The following AKAP6 variants were observed in gnomAD, a reference collection of about 807,000 sequenced individuals.
AKAP6 encodes A-kinase anchor protein 6.
Under a neutral mutation model 188.5 loss-of-function variants are expected in AKAP6, and 58 were observed. The observed-to-expected ratio is 0.31, with a 90% CI of 0.25 to 0.38. The LOEUF (loss-of-function observed/expected upper bound fraction) is 0.38. Among genes scored for constraint, AKAP6 ranks in the 10% least tolerant of loss-of-function variants. The pLI, the probability that AKAP6 is intolerant of heterozygous loss-of-function variation, is 1.00. For missense variants in AKAP6, 2,710 were observed against 2,740.0 expected (o/e 0.99, Z 0.24); for synonymous variants, 989 against 998.6 (o/e 0.99, Z 0.18).
chr14:32,598,860 A>G (rs1885808146), intron 5 of AKAP6, among the ~76,000 whole-genome samples: 1 of 152,160 alleles, frequency 6.6e-6, no homozygotes. Context: ...TATAGGGAAT[A>G]AACTTTTAAA....
intron 1 of AKAP6, among the ~76,000 whole-genome samples, chr14:32,411,925 G>A (rs990904308): frequency 2.1e-4 from 32 of 149,996 alleles, no homozygotes; most frequent in African/African-American, 6.1e-4. Context: ...TATGTTTTCC[G>A]TAATGATAGC....
At chr14:32,810,162 C>G (rs1021434183) in intron 12 of AKAP6, among the ~76,000 whole-genome samples, 3 of 151,986 alleles carry the variant, frequency 2.0e-5, no homozygotes, top group Non-Finnish European at 4.4e-5. Flanking sequence ...AGCTCAAGGC[C>G]CCATATCTTA....
rs372507705 is a variant in AKAP6 at position 32,471,926 on chromosome 14, T to C, written c.324+38109T>C. Among the ~76,000 whole-genome samples the C allele has an allele frequency of 7.9e-5, 12 of 152,246 alleles. No homozygotes were observed. The East Asian group carries it at 1.4e-3, about 17-fold the overall frequency. On this transcript the variant is annotated intron_variant, in intron 2 of 13. Coordinates refer to ENST00000280979, the MANE Select transcript of AKAP6 (RefSeq NM_004274.5). ...ACAATTGTGAGTAAACCAAGAAAAATAGTCCCTATGAGATTTCTTTCAGAC... is the reference window on the plus strand; with the variant it reads ...ACAATTGTGAGTAAACCAAGAAAAACAGTCCCTATGAGATTTCTTTCAGAC...
At chr14:32,695,445 G>A (rs1353484284) in intron 8 of AKAP6, among the ~76,000 whole-genome samples, 1 of 152,202 alleles carries the variant, frequency 6.6e-6, no homozygotes, top group Admixed American at 6.5e-5. Flanking sequence ...TTTTGGATCT[G>A]ATAGTATATA....
intron 9 of AKAP6, among the ~76,000 whole-genome samples, chr14:32,729,607 T>C (rs1352105875): frequency 6.6e-6 from 1 of 152,136 alleles, no homozygotes; most frequent in East Asian, 1.9e-4. Flanking sequence ...TTTAGATCAT[T>C]CACATATCTA....
At chr14:32,689,819 G>C (rs930884671) in intron 8 of AKAP6, among the ~76,000 whole-genome samples, 1 of 151,962 alleles carries the variant, frequency 6.6e-6, no homozygotes, top group African/African-American at 2.4e-5. Context: ...ATTTTTGCAA[G>C]ATTTTGTTAC....
chr14:32,833,355 A>G lies in AKAP6; in HGVS notation c.*3550A>G, dbSNP rs1379142072. 6.6e-6 allele frequency: 1 copy of G among 152,240 alleles called. No individual in the cohort carries two copies. The highest frequency in any genetic ancestry group is 2.4e-5 in the African/African-American group (1 of 41,466). 9.4% of individuals were successfully genotyped at this position (152,240 alleles called of 1,614,324 possible). A position where few individuals can be genotyped will look rare whatever the true frequency, so the allele number is the denominator to read the frequency against. ...TGATTATGACTTTTGTCTCAATTAA[A>G]TGATGACCTCATTTAGTTTCTGATG... On this transcript the variant is annotated 3_prime_UTR_variant, in exon 14 of 14. Transcript: ENST00000280979.
At chr14:32,574,214 T>C (rs535772835) in intron 4 of AKAP6, among the ~76,000 whole-genome samples, 1 of 152,284 alleles carries the variant, frequency 6.6e-6, no homozygotes, top group East Asian at 1.9e-4. Context: ...CTTTTTAGTA[T>C]TGGCAAGAAA....
intron 2 of AKAP6, among the ~76,000 whole-genome samples, chr14:32,504,216 T>A (rs1880747555): frequency 6.6e-6 from 1 of 152,134 alleles, no homozygotes; most frequent in South Asian, 2.1e-4. Context: ...CAGTTATAGC[T>A]AAAAAGAGCT....
Position 32,485,109 on chromosome 14 carries a change from T to A in AKAP6, c.325-50445T>A, listed in dbSNP as rs1162763785. Among the ~76,000 whole-genome samples the A allele has an allele frequency of 4.7e-5, 3 of 63,514 alleles. 1 individual carries two copies. Among genetic ancestry groups the A allele is most frequent in the African/African-American group, 3.8e-4 (3 of 7,826 alleles). 41.7% of individuals were successfully genotyped at this position (63,514 alleles called of 152,430 possible). A position where few individuals can be genotyped will look rare whatever the true frequency, so the allele number is the denominator to read the frequency against. ...GTTGATGCAGAGTGGGGTTTTGCAG[T>A]CCTTAGCTGCAAATGAGTCCTTAGC... On this transcript the variant is annotated intron_variant, in intron 2 of 13. Coordinates refer to ENST00000280979, the MANE Select transcript of AKAP6 (RefSeq NM_004274.5).
chr14:32,725,361 C>A (rs966790630), intron 9 of AKAP6, among the ~76,000 whole-genome samples: 5 of 152,246 alleles, frequency 3.3e-5, no homozygotes, highest in Non-Finnish European at 4.4e-5. Context: ...CTACTCCCCG[C>A]TGGGGTCTGC....
At chr14:32,816,713 G>A (rs1311649563) in intron 12 of AKAP6, among the ~76,000 whole-genome samples, 1 of 152,094 alleles carries the variant, frequency 6.6e-6, no homozygotes, top group Non-Finnish European at 1.5e-5. Context: ...TCAAACCTGT[G>A]TGTTCTGCTT....
At chr14:32,560,507 T>C (rs1313136927) in intron 4 of AKAP6, among the ~76,000 whole-genome samples, 1 of 152,212 alleles carries the variant, frequency 6.6e-6, no homozygotes, top group Non-Finnish European at 1.5e-5. Context: ...CTCTGCAATA[T>C]ATACGGAAGA....
intron 1 of AKAP6, among the ~76,000 whole-genome samples, chr14:32,431,600 C>A (rs541465836): frequency 6.6e-6 from 1 of 152,290 alleles, no homozygotes; most frequent in African/African-American, 2.4e-5. Flanking sequence ...GCAACCTCCC[C>A]CTCCCGGGTT....
At chr14:32,774,917 G>A (rs2033008234) in intron 12 of AKAP6, among the ~76,000 whole-genome samples, 2 of 152,138 alleles carry the variant, frequency 1.3e-5, no homozygotes, top group Non-Finnish European at 2.9e-5. Context: ...CTTAATATCT[G>A]CTCTTTGACG....
chr14:32,826,279 T>C (rs1409687554), intron 13 of AKAP6, among the ~76,000 whole-genome samples: 1 of 152,196 alleles, frequency 6.6e-6, no homozygotes, highest in Non-Finnish European at 1.5e-5. Flanking sequence ...TTTCAGACTC[T>C]ATTTACAATT....
At chr14:32,608,903 GTATT>G (rs1310148134) in intron 7 of AKAP6, among the ~76,000 whole-genome samples, 2 of 151,964 alleles carry the variant, frequency 1.3e-5, no homozygotes, top group Non-Finnish European at 2.9e-5. Flanking sequence ...ATTAATGTAA[GTATT>G]TAAGCACAAA....
At chr14:32,732,350 A>G in intron 9 of AKAP6, 104 bp from the exon 10 acceptor site, 1 of 1,343,788 alleles carries the variant, frequency 7.4e-7, no homozygotes, top group African/African-American at 1.5e-5. Context: ...TTTTATTGGG[A>G]ACAAAAACTT....
At chr14:32,629,412 CAAAAAAA>C (rs5807669) in intron 7 of AKAP6, among the ~76,000 whole-genome samples, 7 of 90,246 alleles carry the variant, frequency 7.8e-5, no homozygotes, top group African/African-American at 2.3e-4. Context: ...GCGAGTTTCT[CAAAAAAA>C]AAAAAAAAAA....
Sources: allele counts gnomAD v4.1 joint callset (sites outside exome capture counted in the v4.1 genomes callset), GRCh38; gene constraint gnomAD v4.1.1; transcripts MANE v1.5; gene names NCBI Gene and HGNC (gene_info 2026-07-23, HGNC 2026-07-21).